GMPPA: variants seen among roughly 807,000 people sequenced by gnomAD.
GMPPA encodes GDP-mannose pyrophosphorylase A.
A neutral mutation model predicts 58.6 loss-of-function variants in GMPPA; 46 were observed. That is an observed-to-expected ratio of 0.78 (90% CI 0.62 to 1.00). GMPPA has a LOEUF of 1.00. GMPPA is among the 50% of genes least tolerant of loss of function. The pLI, the probability that GMPPA is intolerant of heterozygous loss-of-function variation, is 0.00. For synonymous variants in GMPPA, 211 were observed against 214.9 expected (o/e 0.98, Z 0.16); for missense variants, 468 against 556.4 (o/e 0.84, Z 1.60).
Position 219,504,233 on chromosome 2 carries a change from C to T in GMPPA, c.620+20C>T. 1.2e-6 allele frequency: 2 copies of T among 1,611,916 alleles called. No individual in the cohort carries two copies. Among genetic ancestry groups the T allele is most frequent in the Non-Finnish European group, 8.5e-7 (1 of 1,178,492 alleles). On this transcript the variant is annotated intron_variant, in intron 7 of 12. Coordinates refer to ENST00000313597, the MANE Select transcript of GMPPA (RefSeq NM_013335.4). ...GCAATTGTGAGGCAGGCCCCATAGCCCTGTGACCCCAAGTACCCCCAGTCA... is the reference window on the plus strand; with the variant it reads ...GCAATTGTGAGGCAGGCCCCATAGCTCTGTGACCCCAAGTACCCCCAGTCA...
intron 6 of GMPPA, among the ~76,000 whole-genome samples, chr2:219,503,865 G>A (rs1694482824): frequency 6.6e-6 from 1 of 152,232 alleles, no homozygotes; most frequent in African/African-American, 2.4e-5. Flanking sequence ...GGCAGGGAAA[G>A]CCATGGACTT....
intron 2 of GMPPA, 27 bp from the exon 3 acceptor site, chr2:219,500,094 G>A (rs1475430348): frequency 4.4e-6 from 7 of 1,598,614 alleles, no homozygotes; most frequent in Non-Finnish European, 6.0e-6. Context: ...GCAGGAGGCC[G>A]AAATGTTCTC....
In GMPPA at chr2:219,504,218, G is replaced by A; in HGVS notation, c.620+5G>A. On this transcript the variant is annotated splice_donor_5th_base_variant and intron_variant, in intron 7 of 12. Transcript: ENST00000313597. ...TAATCAGCAGGATGGGCAATTGTGA[G>A]GCAGGCCCCATAGCCCTGTGACCCC... 1 of 1,613,902 alleles carries A rather than the reference G, an allele frequency of 6.2e-7. No individual in the cohort carries two copies.
In GMPPA at chr2:219,506,975, C is replaced by T; in HGVS notation, c.*177C>T. 2 of 605,750 alleles carry T rather than the reference C, an allele frequency of 3.3e-6. No individual in the cohort carries two copies. Among genetic ancestry groups the T allele is most frequent in the South Asian group, 1.9e-5 (1 of 51,292 alleles). The allele number at this position is 605,750 out of a possible 1,614,324, so 37.5% of individuals were successfully genotyped here. ...TCTCCCTCCCGACTCCCTAATAAAC[C>T]CCGTGAACCTTGGAGCCAGCACAGA... On this transcript the variant is annotated 3_prime_UTR_variant, in exon 13 of 13. Coordinates refer to ENST00000313597, the MANE Select transcript of GMPPA (RefSeq NM_013335.4).
chr2:219,502,314 GAA>G lies in GMPPA; in HGVS notation c.430-66_430-65del. 7.0e-7 allele frequency: 1 copy of G among 1,418,454 alleles called. No individual in the cohort carries two copies. The highest frequency in any genetic ancestry group is 1.0e-6 in the Non-Finnish European group (1 of 1,003,204). 87.9% of individuals were successfully genotyped at this position (1,418,454 alleles called of 1,614,324 possible). On this transcript the variant is annotated intron_variant, in intron 5 of 12. Coordinates refer to ENST00000313597, the MANE Select transcript of GMPPA (RefSeq NM_013335.4). This position sits in a 1 kb window ranked among gnomAD's most constrained non-coding sequence, Gnocchi z 4.0. ...TGCCAGGTGCTGTAGCGGAGGGAAAGAAAGAAAAAACAGACGTGGCTGCCCTG... is the reference window on the plus strand; with the variant it reads ...TGCCAGGTGCTGTAGCGGAGGGAAAGAGAAAAAACAGACGTGGCTGCCCTG...
Position 219,506,696 on chromosome 2 carries a change from A to AGGCTGCCGAGTCC in GMPPA, c.1164_1176dup. On this transcript the variant is annotated splice_acceptor_variant, in intron 12 of 12. Transcript: ENST00000313597. LOFTEE classifies it high-confidence loss of function. ...CCCCTGGTGCCCTCATCCATGCTGCAGGCTGCCGAGTCCGGATCCCTGCCG... is the reference window on the plus strand; with the variant it reads ...CCCCTGGTGCCCTCATCCATGCTGCAGGCTGCCGAGTCCGGCTGCCGAGTCCGGATCCCTGCCG... 6.4e-7 allele frequency: 1 copy of AGGCTGCCGAGTCC among 1,564,608 alleles called. No homozygotes were observed. Among genetic ancestry groups the AGGCTGCCGAGTCC allele is most frequent in the Non-Finnish European group, 8.8e-7 (1 of 1,135,630 alleles).
chr2:219,504,902 G>A (rs78551435), intron 7 of GMPPA: 23 of 1,153,464 alleles, frequency 2.0e-5, no homozygotes, highest in Non-Finnish European at 7.5e-6. Flanking sequence ...CATCCAATGA[G>A]GGGGAGGGTA....
intron 12 of GMPPA, 122 bp from the exon 13 acceptor site, chr2:219,506,576 G>A: frequency 5.1e-6 from 5 of 980,360 alleles, no homozygotes; most frequent in Non-Finnish European, 6.2e-6. Flanking sequence ...TGAGTCACCG[G>A]GGGCATGAGA....
At position 219,499,874 on chromosome 2, in the gene GMPPA, G is replaced by A. The variant is rs1694327205; in HGVS notation, c.-20-82G>A. 5 of 1,007,242 alleles carry A rather than the reference G, an allele frequency of 5.0e-6. No individual in the cohort carries two copies. In the Admixed American group the frequency reaches 8.5e-5, roughly 17 times the overall value. 62.4% of individuals were successfully genotyped at this position (1,007,242 alleles called of 1,614,324 possible). A position where few individuals can be genotyped will look rare whatever the true frequency, so the allele number is the denominator to read the frequency against. ...TGAGCTTTGGGTTTACATCTTGGGA[G>A]AGGGCTAAGTGTTGCTATTTGGGTT... On this transcript the variant is annotated intron_variant, in intron 1 of 12. Coordinates refer to ENST00000313597, the MANE Select transcript of GMPPA (RefSeq NM_013335.4).
chr2:219,501,487 G>A lies in GMPPA; in HGVS notation c.150G>A (p.Met50Ile), dbSNP rs775170003. The A allele has an allele frequency of 1.7e-5, 27 of 1,597,514 alleles. No individual in the cohort carries two copies. The highest frequency in any genetic ancestry group is 3.3e-5 in the Admixed American group (2 of 59,996). Residue 50 changes from methionine (M) to isoleucine (I), a missense_variant, in exon 4 of 13, where the codon ATG becomes ATA. Coordinates refer to ENST00000313597, the MANE Select transcript of GMPPA (RefSeq NM_013335.4). ...TCCCTTGTCCTCAGGTCCCTGGAAT[G>A]CAGGAGATTCTGCTCATTGGCTTCT... ...HIEACAQVPG[M>I]QEILLIGFYQ...
chr2:219,505,702 C>A lies in GMPPA; in HGVS notation c.854-13C>A. 1 of 1,612,916 alleles carries A rather than the reference C, an allele frequency of 6.2e-7. No homozygotes were observed. The highest frequency in any genetic ancestry group is 8.5e-7 in the Non-Finnish European group (1 of 1,179,644). On this transcript the variant is annotated splice_polypyrimidine_tract_variant and intron_variant, in intron 9 of 12. Coordinates refer to ENST00000313597, the MANE Select transcript of GMPPA (RefSeq NM_013335.4). Reference sequence around the variant, plus strand: ...TGGGATATTTGCCCCCAGGGCCTCTCTTCTGCTTCTAGGGAATGTGTACAT... The same window carrying A: ...TGGGATATTTGCCCCCAGGGCCTCTATTCTGCTTCTAGGGAATGTGTACAT...
At chr2:219,503,986 A>T in intron 6 of GMPPA, 97 bp from the exon 7 acceptor site, 1 of 1,380,906 alleles carries the variant, frequency 7.2e-7, no homozygotes, top group East Asian at 2.3e-5. Context: ...CCCTGGCAGC[A>T]GGGAGGAGAG....
Position 219,504,078 on chromosome 2 carries a change from C to G in GMPPA, c.490-5C>G, listed in dbSNP as rs1428822898. ...TCTACTGAACCCAGCCTGCTCTGTC[C>G]TCAGGTATTGCACTATGTGGAGAAA... On this transcript the variant is annotated splice_region_variant and splice_polypyrimidine_tract_variant and intron_variant, in intron 6 of 12. Transcript: ENST00000313597. 7 of 1,614,042 alleles carry G rather than the reference C, an allele frequency of 4.3e-6. No individual in the cohort carries two copies. The South Asian group carries it at 7.7e-5, about 18-fold the overall frequency.
rs1389631941 is a variant in GMPPA at position 219,500,119 on chromosome 2, A to G, written c.41-2A>G. The G allele has an allele frequency of 6.2e-7, 1 of 1,606,900 alleles. No individual in the cohort carries two copies. Among genetic ancestry groups the G allele is most frequent in the Non-Finnish European group, 8.5e-7 (1 of 1,175,466 alleles). ...GAAATGTTCTCCTCTCTCCTCTCCC[A>G]GGAACTCGCTTCAGACCTTTGTCTT... On this transcript the variant is annotated splice_acceptor_variant, in intron 2 of 12. Coordinates refer to ENST00000313597, the MANE Select transcript of GMPPA (RefSeq NM_013335.4). LOFTEE classifies it high-confidence loss of function.
Position 219,502,569 on chromosome 2 carries a change from G to T in GMPPA, c.489+128G>T. The T allele has an allele frequency of 5.9e-6, 4 of 673,402 alleles. No homozygotes were observed. The highest frequency in any genetic ancestry group is 5.3e-6 in the Non-Finnish European group (2 of 374,464). 41.7% of individuals were successfully genotyped at this position (673,402 alleles called of 1,614,324 possible). A position where few individuals can be genotyped will look rare whatever the true frequency, so the allele number is the denominator to read the frequency against. On this transcript the variant is annotated intron_variant, in intron 6 of 12. Transcript: ENST00000313597. The surrounding 1 kb of genome is among the most constrained non-coding windows in gnomAD (Gnocchi z 4.0). ...CTTGTCAGACAGGTGAGACACTCCC[G>T]ATTAATCATCTTATATCCCTTTAAG...
At chr2:219,501,797 A>T (rs1258610390) in intron 4 of GMPPA, 54 bp from the exon 5 acceptor site, 2 of 1,539,918 alleles carry the variant, frequency 1.3e-6, no homozygotes, top group East Asian at 2.3e-5. Context: ...GCCCTGGCTC[A>T]TGGTATCTGT....
At chr2:219,499,045 CT>C (rs909789686) in intron 1 of GMPPA, 107 bp downstream of exon 1, 1 of 152,352 alleles carries the variant, frequency 6.6e-6, no homozygotes, top group African/African-American at 2.4e-5. Flanking sequence ...GCGCCCGCCC[CT>C]GTGTTGGTCC....
At chr2:219,500,349 T>C (rs1694347918) in intron 3 of GMPPA, 131 bp downstream of exon 3, 2 of 671,072 alleles carry the variant, frequency 3.0e-6, no homozygotes, top group Non-Finnish European at 5.4e-6. Flanking sequence ...ACAATGTGAA[T>C]GGCGCCCCCT....
Position 219,500,036 on chromosome 2 carries a change from G to A in GMPPA, c.40+21G>A, listed in dbSNP as rs372586780. ...AAAGGGTGAGGTGCCAGGGGAATGG[G>A]GGGAGGAGGTTGGGCTGGAGTGGTA... On this transcript the variant is annotated intron_variant, in intron 2 of 12. Coordinates refer to ENST00000313597, the MANE Select transcript of GMPPA (RefSeq NM_013335.4). 3.2e-5 allele frequency: 51 copies of A among 1,612,772 alleles called. No individual in the cohort carries two copies. The African/African-American group carries it at 4.7e-4, about 15-fold the overall frequency.
Sources: gnomAD v4.1 joint callset for allele counts (sites outside exome capture counted in the v4.1 genomes callset) on GRCh38, gnomAD v4.1.1 for gene constraint, Gnocchi (gnomAD v3.1) non-coding constraint, MANE v1.5 for transcripts, NCBI Gene and HGNC (gene_info 2026-07-23, HGNC 2026-07-21) for gene names.